PRKAR2A: variants seen among roughly 807,000 people sequenced by gnomAD.
The protein encoded by PRKAR2A is protein kinase cAMP-dependent type II regulatory subunit alpha, also known as cAMP-dependent protein kinase type II-alpha regulatory subunit.
Under a neutral mutation model 51.9 loss-of-function variants are expected in PRKAR2A, and 29 were observed. The observed-to-expected ratio is 0.56, with a 90% CI of 0.42 to 0.76. PRKAR2A has a LOEUF of 0.76. Ranked by LOEUF, PRKAR2A falls within the 30% of genes least tolerant of loss-of-function variation. PRKAR2A has a pLI of 0.00. For synonymous variants in PRKAR2A, 178 were observed against 186.2 expected (o/e 0.96, Z 0.36); for missense variants, 445 against 512.1 (o/e 0.87, Z 1.26).
rs562117340 is a variant in PRKAR2A at position 48,783,967 on chromosome 3, GTATT to G, written c.436-879_436-876del. Among the ~76,000 whole-genome samples, 5 of 152,212 alleles carry G rather than the reference GTATT, an allele frequency of 3.3e-5. No homozygotes were observed. In the South Asian group the frequency reaches 1.0e-3, roughly 32 times the overall value. On this transcript the variant is annotated intron_variant, in intron 4 of 10. Transcript: ENST00000265563. ...GACCAAAGGAAAAAAACCTAGGAAA[GTATT>G]TATGAAACAACAGATACTCAATAAA... is the stretch of plus-strand genomic sequence containing the variant.
chr3:48,843,668 C>T (rs1223069929), intron 1 of PRKAR2A, among the ~76,000 whole-genome samples: 2 of 152,098 alleles, frequency 1.3e-5, no homozygotes, highest in South Asian at 2.1e-4. Flanking sequence ...ACAGAGCCCT[C>T]AGAAATAACT....
At chr3:48,753,295 T>G (rs1028490788) in intron 9 of PRKAR2A, among the ~76,000 whole-genome samples, 1 of 149,274 alleles carries the variant, frequency 6.7e-6, no homozygotes, top group African/African-American at 2.5e-5. Context: ...ATCTAGAGGT[T>G]TTTTTTTTTA....
intron 3 of PRKAR2A, among the ~76,000 whole-genome samples, chr3:48,792,904 G>C (rs887770926): frequency 6.6e-6 from 1 of 151,832 alleles, no homozygotes; most frequent in Non-Finnish European, 1.5e-5. Context: ...ACTCCAGCCC[G>C]GGCGACAGTG....
At chr3:48,776,026 G>C (rs1178499806) in intron 5 of PRKAR2A, among the ~76,000 whole-genome samples, 2 of 152,122 alleles carry the variant, frequency 1.3e-5, no homozygotes, top group African/African-American at 4.8e-5. Flanking sequence ...AGAATCACTT[G>C]AAACCAGGAG....
At position 48,794,025 on chromosome 3, in the gene PRKAR2A, T is replaced by C; in HGVS notation, c.323A>G (p.Asp108Gly). The change falls in exon 3 of 11, where the codon GAT becomes GGT. Residue 108 changes from aspartate to glycine, a missense_variant. Physicochemically the swap from Asp to Gly is moderately conservative, Grantham distance 94. Coordinates refer to ENST00000265563, the MANE Select transcript of PRKAR2A (RefSeq NM_004157.4). ...TGGATCTGTATCTTCCTCTTCCTCA[T>C]CAGGGTTATAGGTCTCAGCACAGAC... Reference protein sequence around the residue: ...VSVCAETYNPDEEEEDTDPRV... With the variant: ...VSVCAETYNPGEEEEDTDPRV... 1 of 1,606,254 alleles carries C rather than the reference T, an allele frequency of 6.2e-7. No homozygotes were observed. The highest frequency in any genetic ancestry group is 8.5e-7 in the Non-Finnish European group (1 of 1,173,032).
chr3:48,826,611 T>C, intron 1 of PRKAR2A, among the ~76,000 whole-genome samples: 1 of 152,044 alleles, frequency 6.6e-6, no homozygotes, highest in East Asian at 1.9e-4. Context: ...TCCCCAGAGA[T>C]TAGACTTCCT....
intron 1 of PRKAR2A, among the ~76,000 whole-genome samples, chr3:48,823,957 T>TG (rs1421453442): frequency 1.3e-5 from 2 of 152,192 alleles, no homozygotes; most frequent in Non-Finnish European, 2.9e-5. Context: ...CCGGGTATGG[T>TG]GGCTCACGCC....
chr3:48,795,804 G>C (rs1267649458), intron 2 of PRKAR2A, among the ~76,000 whole-genome samples: 4 of 152,050 alleles, frequency 2.6e-5, no homozygotes, highest in African/African-American at 9.7e-5. Context: ...CAAAGTGCTG[G>C]GATTACAGGC....
chr3:48,815,736 C>G (rs1227578789), intron 1 of PRKAR2A, among the ~76,000 whole-genome samples: 1 of 142,610 alleles, frequency 7.0e-6, no homozygotes, highest in African/African-American at 2.6e-5. Context: ...AGAATGAAAA[C>G]AGGGCCAGGC....
rs569214290 is a variant in PRKAR2A at position 48,834,823 on chromosome 3, G to A, written c.262+12512C>T. Among the ~76,000 whole-genome samples the A allele has an allele frequency of 2.9e-3, 444 of 150,938 alleles. 3 individuals are homozygous for A. The highest frequency in any genetic ancestry group is 9.8e-3 in the African/African-American group (404 of 41,178). On this transcript the variant is annotated intron_variant, in intron 1 of 10. Transcript: ENST00000265563. ...TAAGGAACGAGTTTCCAGACAAAAA[G>A]TTTCAACAACAAAAAGACAAATAAA...
downstream of PRKAR2A, among the ~76,000 whole-genome samples, chr3:48,745,579 T>C (rs555289665): frequency 7.3e-6 from 1 of 136,438 alleles, no homozygotes; most frequent in Non-Finnish European, 1.5e-5. Context: ...TTGTCGCCCA[T>C]GCTGGAGTGA....
chr3:48,796,669 G>GATTTTTTTTTT, intron 2 of PRKAR2A, among the ~76,000 whole-genome samples: 1 of 97,090 alleles, frequency 1.0e-5, no homozygotes, highest in African/African-American at 3.6e-5. Flanking sequence ...GTAGAGACGG[G>GATTTTTTTTTT]GTTTTTTTTT....
chr3:48,796,779 C>T (rs898545524), intron 2 of PRKAR2A, among the ~76,000 whole-genome samples: 11 of 151,564 alleles, frequency 7.3e-5, no homozygotes, highest in Admixed American at 3.3e-4. Flanking sequence ...CGTGAGCAAC[C>T]GCGCCCGGCC....
At chr3:48,795,893 A>G (rs1022153987) in intron 2 of PRKAR2A, among the ~76,000 whole-genome samples, 3 of 152,086 alleles carry the variant, frequency 2.0e-5, no homozygotes, top group Non-Finnish European at 4.4e-5. Context: ...ACACACAGAT[A>G]TTTTTTTTAC....
chr3:48,766,901 C>T (rs1448689088), intron 6 of PRKAR2A, among the ~76,000 whole-genome samples: 1 of 152,136 alleles, frequency 6.6e-6, no homozygotes, highest in Non-Finnish European at 1.5e-5. Flanking sequence ...TGGCTTTGAA[C>T]TCCTGGGGTC....
intron 2 of PRKAR2A, among the ~76,000 whole-genome samples, chr3:48,807,145 A>C (rs188991217): frequency 1.3e-5 from 2 of 152,244 alleles, no homozygotes; most frequent in East Asian, 3.9e-4. Flanking sequence ...TTTAAATTCC[A>C]TATTATTAAG....
intron 4 of PRKAR2A, among the ~76,000 whole-genome samples, chr3:48,784,179 G>A (rs2082251213): frequency 6.6e-6 from 1 of 152,122 alleles, no homozygotes; most frequent in South Asian, 2.1e-4. Flanking sequence ...CTGTCAGGGA[G>A]ATCAGTAATT....
intron 1 of PRKAR2A, among the ~76,000 whole-genome samples, chr3:48,843,091 A>T (rs1045273956): frequency 6.6e-6 from 1 of 152,042 alleles, no homozygotes; most frequent in Non-Finnish European, 1.5e-5. Flanking sequence ...ACAATTTCAG[A>T]TCCTGTTATT....
intron 9 of PRKAR2A, 53 bp downstream of exon 9, chr3:48,756,326 A>G: frequency 1.3e-6 from 2 of 1,483,910 alleles, no homozygotes; most frequent in Non-Finnish European, 1.9e-6. Context: ...ATTATTTAAA[A>G]CAAATAGTTA....
Sources: allele counts gnomAD v4.1 joint callset (sites outside exome capture counted in the v4.1 genomes callset), GRCh38; gene constraint gnomAD v4.1.1; transcripts MANE v1.5; gene names NCBI Gene and HGNC (gene_info 2026-07-23, HGNC 2026-07-21).